Variants in PTPN9 observed in about 807,000 individuals in gnomAD.
PTPN9 encodes the protein tyrosine-protein phosphatase non-receptor type 9.
PTPN9 carries 26 observed loss-of-function variants against 69.8 expected under a neutral mutation model. The observed-to-expected ratio is 0.37, with a 90% CI of 0.27 to 0.52. The LOEUF (loss-of-function observed/expected upper bound fraction) is 0.52. Ranked by LOEUF, PTPN9 falls within the 20% of genes least tolerant of loss-of-function variation. The pLI is 0.91. For synonymous variants in PTPN9, 274 were observed against 272.5 expected (o/e 1.01, Z -0.05); for missense variants, 549 against 740.3 (o/e 0.74, Z 3.00).
chr15:75,500,336 AACAT>A (rs1239267384), intron 7 of PTPN9, among the ~76,000 whole-genome samples: 4 of 142,188 alleles, frequency 2.8e-5, no homozygotes, highest in Non-Finnish European at 4.6e-5. Context: ...TAAATAAACA[AACAT>A]ACATACACAC....
chr15:75,515,475 G>GTACA (rs1327174680), intron 5 of PTPN9, among the ~76,000 whole-genome samples: 1 of 147,406 alleles, frequency 6.8e-6, no homozygotes, highest in Non-Finnish European at 1.5e-5. Context: ...TGTATACAGA[G>GTACA]TACATAAAGA....
rs2074533434 is a variant in PTPN9, at chr15:75,465,537, C to G, written c.*3232G>C. On this transcript the variant is annotated 3_prime_UTR_variant, in exon 13 of 13. Transcript: ENST00000618819. ...CTTTAACACCTAACACAGGTAGGTT[C>G]ACGCTGGTAAAAGCTACAAACAATG... The G allele has an allele frequency of 3.9e-5, 6 of 152,226 alleles. No homozygotes were observed. The South Asian group carries it at 1.2e-3, about 31-fold the overall frequency. 9.4% of individuals were successfully genotyped at this position (152,226 alleles called of 1,614,324 possible).
chr15:75,577,000 AAC>A (rs911196707), intron 1 of PTPN9, among the ~76,000 whole-genome samples: 2 of 152,072 alleles, frequency 1.3e-5, no homozygotes, highest in East Asian at 1.9e-4. Context: ...AGATTTTAAA[AAC>A]ACACACACAC....
chr15:75,571,691 T>C (rs1414520405), intron 1 of PTPN9, among the ~76,000 whole-genome samples: 1 of 151,566 alleles, frequency 6.6e-6, no homozygotes, highest in South Asian at 2.1e-4. Flanking sequence ...GGTCAGGATA[T>C]AGAGACCATC....
At chr15:75,573,270 T>C (rs1031573243) in intron 1 of PTPN9, among the ~76,000 whole-genome samples, 3 of 152,324 alleles carry the variant, frequency 2.0e-5, no homozygotes, top group Admixed American at 1.3e-4. Context: ...GGACGATTAA[T>C]TGCATGTGAA....
intron 1 of PTPN9, among the ~76,000 whole-genome samples, chr15:75,573,739 T>A (rs546192504): frequency 6.6e-6 from 1 of 152,310 alleles, no homozygotes; most frequent in Non-Finnish European, 1.5e-5. Context: ...GTGCATATGA[T>A]GGGGAGCAAA....
intron 1 of PTPN9, 107 bp from the exon 2 acceptor site, chr15:75,527,368 C>G: frequency 7.8e-7 from 1 of 1,288,500 alleles, no homozygotes; most frequent in Non-Finnish European, 1.1e-6. Flanking sequence ...AAGTCTGAAC[C>G]CAGTTTGCTA....
intron 1 of PTPN9, among the ~76,000 whole-genome samples, chr15:75,545,892 G>T (rs1227782699): frequency 6.6e-6 from 1 of 152,166 alleles, no homozygotes; most frequent in Non-Finnish European, 1.5e-5. Context: ...AGGATGCAGT[G>T]AGCCAAGATC....
chr15:75,560,615 T>C (rs2075100212), intron 1 of PTPN9, among the ~76,000 whole-genome samples: 3 of 152,236 alleles, frequency 2.0e-5, no homozygotes, highest in African/African-American at 7.2e-5. Context: ...CTCACACCTG[T>C]AATCCTAGCA....
At chr15:75,502,643 G>A (rs2074780068) in intron 7 of PTPN9, among the ~76,000 whole-genome samples, 1 of 151,998 alleles carries the variant, frequency 6.6e-6, no homozygotes, top group Non-Finnish European at 1.5e-5. Context: ...AAATCTCAAG[G>A]GGTTAAAGTC....
intron 1 of PTPN9, among the ~76,000 whole-genome samples, chr15:75,535,501 TACAATA>T (rs2074979125): frequency 6.6e-6 from 1 of 152,044 alleles, no homozygotes; most frequent in South Asian, 2.1e-4. Flanking sequence ...GAGGTCTCAA[TACAATA>T]AAGAAACAGG....
chr15:75,562,776 G>A (rs995665630), intron 1 of PTPN9, among the ~76,000 whole-genome samples: 3 of 110,722 alleles, frequency 2.7e-5, no homozygotes, highest in Non-Finnish European at 5.0e-5. Context: ...CTGGATGACA[G>A]AGCGAGACTC....
intron 6 of PTPN9, among the ~76,000 whole-genome samples, chr15:75,507,445 G>A (rs1177951757): frequency 7.3e-5 from 6 of 82,634 alleles, no homozygotes; most frequent in South Asian, 9.2e-4. Context: ...AAACTCTGTC[G>A]CAAAAAAAAA....
At chr15:75,565,174 C>G (rs997637529) in intron 1 of PTPN9, among the ~76,000 whole-genome samples, 1 of 150,712 alleles carries the variant, frequency 6.6e-6, no homozygotes, top group African/African-American at 2.4e-5. Flanking sequence ...AATAAAATCC[C>G]TCCACCTCTG....
In PTPN9 at chr15:75,495,426, T is replaced by G. The variant is rs541304432; in HGVS notation, c.969-5125A>C. Among the ~76,000 whole-genome samples the G allele has an allele frequency of 2.0e-5, 3 of 152,036 alleles. No individual in the cohort carries two copies. The South Asian group carries it at 6.2e-4, about 32-fold the overall frequency. On this transcript the variant is annotated intron_variant, in intron 7 of 12. Transcript: ENST00000618819. ...TCTGATTGGGCATATAGAAAAATAA[T>G]GAAGGGCCAAGCACGGTGGCTCACA... is the stretch of plus-strand genomic sequence containing the variant.
In PTPN9 at chr15:75,507,399, T is replaced by C. The variant is rs568278325; in HGVS notation, c.640-1396A>G. Among the ~76,000 whole-genome samples, 12 of 134,944 alleles carry C rather than the reference T, an allele frequency of 8.9e-5. No individual in the cohort carries two copies. In the South Asian group the frequency reaches 2.8e-3, roughly 32 times the overall value. The allele number at this position is 134,944 out of a possible 152,430, so 88.5% of individuals were successfully genotyped here. A position where few individuals can be genotyped will look rare whatever the true frequency, so the allele number is the denominator to read the frequency against. On this transcript the variant is annotated intron_variant, in intron 6 of 12. Transcript: ENST00000618819. ...GGACGGAGGTTGCAGTGAGCCAAGA[T>C]CATGCCATTGCACTCTAGCCTCAGC...
At chr15:75,475,076 T>C (rs544980665) in intron 9 of PTPN9, among the ~76,000 whole-genome samples, 6 of 152,340 alleles carry the variant, frequency 3.9e-5, no homozygotes, top group Admixed American at 2.0e-4. Flanking sequence ...TCTATACAGG[T>C]TGACCATTTA....
At chr15:75,498,230 C>T (rs1424835531) in intron 7 of PTPN9, among the ~76,000 whole-genome samples, 1 of 151,660 alleles carries the variant, frequency 6.6e-6, no homozygotes, top group Non-Finnish European at 1.5e-5. Context: ...CCTTCCTATA[C>T]GAATATGCCT....
chr15:75,533,714 T>C (rs1443796578), intron 1 of PTPN9, among the ~76,000 whole-genome samples: 1 of 152,188 alleles, frequency 6.6e-6, no homozygotes, highest in Non-Finnish European at 1.5e-5. Flanking sequence ...CTGAGAAAGC[T>C]GTCAATTAAG....
Sources: allele counts gnomAD v4.1 joint callset (sites outside exome capture counted in the v4.1 genomes callset), GRCh38; gene constraint gnomAD v4.1.1; transcripts MANE v1.5; gene names NCBI Gene and HGNC (gene_info 2026-07-23, HGNC 2026-07-21).